The following LRP2 variants were observed in gnomAD, a reference collection of about 807,000 sequenced individuals.
LRP2 encodes low-density lipoprotein receptor-related protein 2.
In LRP2, 172 loss-of-function variants were observed where a neutral mutation model predicts 531.0. The ratio of observed to expected loss-of-function variants is 0.32; its 90% CI spans 0.29 to 0.37. The LOEUF is 0.37. Among genes scored for constraint, LRP2 ranks in the 10% least tolerant of loss-of-function variants. The pLI, the probability that LRP2 is intolerant of heterozygous loss-of-function variation, is 1.00. For missense variants in LRP2, 5,167 were observed against 5,868.3 expected, an observed-to-expected ratio of 0.88 and a Z score of 3.90; for synonymous variants, 1,992 against 2,027.6, an observed-to-expected ratio of 0.98 and a Z score of 0.47.
Position 169,196,933 on chromosome 2 carries a change from G to A in LRP2, c.8676C>T (p.Ala2892=), listed in dbSNP as rs1283469954. The A allele has an allele frequency of 1.9e-6, 3 of 1,614,174 alleles. No individual in the cohort carries two copies. Among genetic ancestry groups the A allele is most frequent in the South Asian group, 2.2e-5 (2 of 91,078 alleles). The change falls in exon 46 of 79, where the codon GCC becomes GCT. Residue 2892 remains alanine, a synonymous_variant. Transcript: ENST00000649046. ...YCDQETDCFD[A]SDEPASCGHS... is the part of the protein sequence containing the mutation. ...TACCACAAGAGGCAGGTTCATCAGA[G>A]GCATCAAAACAATCTGTTTCTTGAT...
chr2:169,128,920 C>G, intron 78 of LRP2, 90 bp from the exon 79 acceptor site: 2 of 1,551,648 alleles, frequency 1.3e-6, no homozygotes, highest in South Asian at 2.2e-5. Flanking sequence ...TGTGGCCACT[C>G]TGCTCAGAAT....
chr2:169,309,187 G>T (rs1012416257), intron 3 of LRP2, among the ~76,000 whole-genome samples: 1 of 152,160 alleles, frequency 6.6e-6, no homozygotes. Context: ...TGTTCACTCT[G>T]ATGGTAGTTT....
At chr2:169,174,914 T>C (rs558142626) in intron 55 of LRP2, among the ~76,000 whole-genome samples, 3 of 151,072 alleles carry the variant, frequency 2.0e-5, no homozygotes, top group South Asian at 4.2e-4. Context: ...TCCTCAATGT[T>C]AGCTCTCAAA....
At chr2:169,288,215 C>T (rs955116393) in intron 9 of LRP2, among the ~76,000 whole-genome samples, 2 of 152,138 alleles carry the variant, frequency 1.3e-5, no homozygotes, top group African/African-American at 4.8e-5. Context: ...GCACCAAAAA[C>T]TCACTGAGAA....
intron 4 of LRP2, among the ~76,000 whole-genome samples, chr2:169,306,619 C>T (rs1337314667): frequency 6.6e-6 from 1 of 152,190 alleles, no homozygotes. Flanking sequence ...AGGACTGACA[C>T]AGCAGACTAA....
At chr2:169,269,029 A>G (rs1465356621) in intron 16 of LRP2, among the ~76,000 whole-genome samples, 1 of 152,182 alleles carries the variant, frequency 6.6e-6, no homozygotes, top group Non-Finnish European at 1.5e-5. Context: ...TAAAATACCT[A>G]GGAATCCAAC....
At chr2:169,142,590 C>T (rs920236307) in intron 71 of LRP2, 84 bp downstream of exon 71, 1 of 1,586,908 alleles carries the variant, frequency 6.3e-7, no homozygotes, top group African/African-American at 1.3e-5. Context: ...TGCAAAGGAC[C>T]CAGCATACAG....
intron 33 of LRP2, among the ~76,000 whole-genome samples, chr2:169,221,718 C>G (rs1195245669): frequency 2.0e-5 from 3 of 151,698 alleles, no homozygotes; most frequent in Non-Finnish European, 2.9e-5. Flanking sequence ...ATATATCCTT[C>G]TTTCCCTCAT....
At position 169,182,196 on chromosome 2, in the gene LRP2, G is replaced by A; in HGVS notation, c.9969C>T (p.Pro3323=). ...ATTGAGGGTGAAGGGCAAGTCCTCT[G>A]GGATTATCAAAGCAGAAGGTGTTGT... is the stretch of plus-strand genomic sequence containing the variant. ...DANNTFCFDN[P]RGLALHPQYG... is the part of the protein sequence containing the mutation. Residue 3323 remains proline, a synonymous_variant, in exon 51 of 79, where the codon CCC becomes CCT. Coordinates refer to ENST00000649046, the MANE Select transcript of LRP2 (RefSeq NM_004525.3). 6.2e-7 allele frequency: 1 copy of A among 1,614,132 alleles called. No homozygotes were observed. Among genetic ancestry groups the A allele is most frequent in the Admixed American group, 1.7e-5 (1 of 60,010 alleles).
At chr2:169,321,330 A>C (rs1049494900) in intron 1 of LRP2, among the ~76,000 whole-genome samples, 1 of 152,200 alleles carries the variant, frequency 6.6e-6, no homozygotes, top group Non-Finnish European at 1.5e-5. Flanking sequence ...AAATTTGTTT[A>C]CATCTTTATA....
At chr2:169,267,912 G>A (rs559580606) in intron 16 of LRP2, among the ~76,000 whole-genome samples, 3 of 152,256 alleles carry the variant, frequency 2.0e-5, no homozygotes, top group African/African-American at 4.8e-5. Context: ...AATAAAAAAT[G>A]ATAAAGGGGA....
At chr2:169,223,398 A>G (rs1689086379) in intron 33 of LRP2, among the ~76,000 whole-genome samples, 1 of 152,202 alleles carries the variant, frequency 6.6e-6, no homozygotes, top group Non-Finnish European at 1.5e-5. Context: ...ACTAATCAAG[A>G]GACAAAGAGA....
Position 169,213,729 on chromosome 2 carries a change from T to C in LRP2, c.5968A>G (p.Thr1990Ala). 2 of 1,613,832 alleles carry C rather than the reference T, an allele frequency of 1.2e-6. No homozygotes were observed. Among genetic ancestry groups the C allele is most frequent in the Non-Finnish European group, 1.7e-6 (2 of 1,179,788 alleles). The change falls in exon 36 of 79, where the codon ACT (threonine) becomes GCT (alanine). Residue 1990 changes from threonine to alanine, a missense_variant. Coordinates refer to ENST00000649046, the MANE Select transcript of LRP2 (RefSeq NM_004525.3). ...CTCAAGACTATTTTGTTGGCCCCAG[T>C]GGCCTTATCAACTCTTTCAATGACC... ...YEVIERVDKATGANKIVLRDN... is the reference protein window; with the variant it reads ...YEVIERVDKAAGANKIVLRDN...
chr2:169,267,675 C>G (rs534907165), intron 16 of LRP2, among the ~76,000 whole-genome samples: 3 of 152,052 alleles, frequency 2.0e-5, no homozygotes, highest in Non-Finnish European at 4.4e-5. Flanking sequence ...AACTGACACC[C>G]TAACATCACA....
rs185773228 is a variant in LRP2, at chr2:169,330,128, C to T, written c.80-9244G>A. On this transcript the variant is annotated intron_variant, in intron 1 of 78. Transcript: ENST00000649046. ...CTGTCCATGGAAAAATTGTCTTCCA[C>T]GAAACCAGTCCCTGGTGCCAAAAAG... 2.0e-3 allele frequency among the ~76,000 whole-genome samples: 302 copies of T among 152,236 alleles called. 4 individuals carry two copies. Among genetic ancestry groups the T allele is most frequent in the South Asian group, 7.5e-3 (36 of 4,826 alleles).
In LRP2 at chr2:169,174,407, C is replaced by A. The variant is rs2024481; in HGVS notation, c.10769-243G>T. 0.47 allele frequency among the ~76,000 whole-genome samples: 72,020 copies of A among 152,094 alleles called. 17,772 individuals carry two copies. The highest frequency in any genetic ancestry group is 0.61 in the Admixed American group (9,362 of 15,292). Reference sequence around the variant, plus strand: ...AGAGATAAGAACTGAACACCCTGACCTGTTAAGCATACCTTCCTCTGTCCC... The same window carrying A: ...AGAGATAAGAACTGAACACCCTGACATGTTAAGCATACCTTCCTCTGTCCC... On this transcript the variant is annotated intron_variant, in intron 55 of 78. Transcript: ENST00000649046.
chr2:169,220,018 CCTT>C (rs1390835724), intron 34 of LRP2, among the ~76,000 whole-genome samples: 3 of 152,128 alleles, frequency 2.0e-5, no homozygotes, highest in Non-Finnish European at 4.4e-5. Context: ...TACTTCTGTG[CCTT>C]CATGGATCCC....
intron 33 of LRP2, among the ~76,000 whole-genome samples, chr2:169,223,962 C>T (rs564663986): frequency 1.2e-3 from 184 of 152,272 alleles, no homozygotes; most frequent in African/African-American, 4.1e-3. Context: ...GCCTGGGACA[C>T]CTTTTCCCTA....
intron 41 of LRP2, 103 bp from the exon 42 acceptor site, chr2:169,204,374 C>T: frequency 8.9e-7 from 1 of 1,122,610 alleles, no homozygotes; most frequent in Non-Finnish European, 1.3e-6. Flanking sequence ...ACACAAGCTG[C>T]AAACTTTCTT....
Sources: allele counts gnomAD v4.1 joint callset (sites outside exome capture counted in the v4.1 genomes callset), GRCh38; gene constraint gnomAD v4.1.1; transcripts MANE v1.5; gene names NCBI Gene and HGNC (gene_info 2026-07-23, HGNC 2026-07-21).